The following MSRA variants were observed in gnomAD, a reference collection of about 807,000 sequenced individuals.
The protein encoded by MSRA is methionine sulfoxide reductase A, also known as mitochondrial peptide methionine sulfoxide reductase.
In MSRA, 54 loss-of-function variants were observed where a neutral mutation model predicts 31.3. The observed-to-expected ratio is 1.73, with a 90% CI of 1.39 to 2.17. The LOEUF is 2.17. Among genes scored for constraint, MSRA ranks in the 30% most tolerant of loss-of-function variants. The probability of loss-of-function intolerance (pLI) is 0.00; values close to 1 mark genes in which losing one functional copy is unlikely to be tolerated. For missense variants in MSRA, 507 were observed against 300.9 expected (o/e 1.69, Z -5.07); for synonymous variants, 169 against 116.5 (o/e 1.45, Z -2.90).
chr8:10,135,662 C>G (rs181372752), intron 1 of MSRA, among the ~76,000 whole-genome samples: 1 of 152,176 alleles, frequency 6.6e-6, no homozygotes, highest in African/African-American at 2.4e-5. Flanking sequence ...TCTGTGCATT[C>G]GCGTGCCCCT....
Position 10,301,606 on chromosome 8 carries a change from A to G in MSRA, c.404A>G (p.Lys135Arg), listed in dbSNP as rs1800851464. The G allele has an allele frequency of 1.2e-6, 2 of 1,614,128 alleles. No individual in the cohort carries two copies. The highest frequency in any genetic ancestry group is 1.7e-5 in the Admixed American group (1 of 60,016). Residue 135 changes from lysine (K) to arginine (R), a missense_variant, in exon 4 of 6, where the codon AAG becomes AGG. Coordinates refer to ENST00000317173, the MANE Select transcript of MSRA (RefSeq NM_012331.5). ...CACATGAGTTTTGAGGAACTGCTCA[A>G]GGTCTTCTGGGAGAATCACGACCCG... ...PEHMSFEELLKVFWENHDPTQ... is the reference protein window; with the variant it reads ...PEHMSFEELLRVFWENHDPTQ...
chr8:10,234,064 T>G (rs369982006), intron 2 of MSRA, among the ~76,000 whole-genome samples: 1 of 152,214 alleles, frequency 6.6e-6, no homozygotes, highest in South Asian at 2.1e-4. Flanking sequence ...AAACTTACAT[T>G]CGATAGTATA....
chr8:10,374,074 C>T (rs1585616954), intron 5 of MSRA, among the ~76,000 whole-genome samples: 2 of 152,178 alleles, frequency 1.3e-5, no homozygotes, highest in Admixed American at 1.3e-4. Flanking sequence ...GACATTGTCC[C>T]CTGCCATTAG....
At chr8:10,374,556 A>T (rs1156818477) in intron 5 of MSRA, among the ~76,000 whole-genome samples, 2 of 152,224 alleles carry the variant, frequency 1.3e-5, no homozygotes, top group Non-Finnish European at 2.9e-5. Context: ...CAGATAGTAC[A>T]TGACAAGTGA....
chr8:10,257,333 C>G (rs935639842), intron 3 of MSRA, among the ~76,000 whole-genome samples: 1 of 152,182 alleles, frequency 6.6e-6, no homozygotes, highest in Non-Finnish European at 1.5e-5. Flanking sequence ...ACCTCAGAGA[C>G]CTTGGGTCTC....
rs1215045866 is a variant in MSRA at position 10,238,310 on chromosome 8, C to T, written c.212-6794C>T. 2.0e-5 allele frequency among the ~76,000 whole-genome samples: 3 copies of T among 152,240 alleles called. No individual in the cohort carries two copies. In the East Asian group the frequency reaches 5.8e-4, roughly 29 times the overall value. On this transcript the variant is annotated intron_variant, in intron 2 of 5. Coordinates refer to ENST00000317173, the MANE Select transcript of MSRA (RefSeq NM_012331.5). Reference sequence around the variant, plus strand: ...TTTAAAATTGTGCTTTCCCAGCCCACCTGATCTCTCTGACCTGCTCTGCTT... The same window carrying T: ...TTTAAAATTGTGCTTTCCCAGCCCATCTGATCTCTCTGACCTGCTCTGCTT...
intron 5 of MSRA, among the ~76,000 whole-genome samples, chr8:10,323,693 C>T (rs1802186490): frequency 6.6e-6 from 1 of 150,714 alleles, no homozygotes; most frequent in South Asian, 2.1e-4. Context: ...GGCAGTTGTG[C>T]TGACCAGATG....
chr8:10,395,166 G>A (rs1412539885), intron 5 of MSRA, among the ~76,000 whole-genome samples: 1 of 152,150 alleles, frequency 6.6e-6, no homozygotes, highest in African/African-American at 2.4e-5. Flanking sequence ...TGGCCGGGGG[G>A]AAGACTTTGC....
chr8:10,352,620 G>A (rs180824593), intron 5 of MSRA, among the ~76,000 whole-genome samples: 20 of 152,198 alleles, frequency 1.3e-4, no homozygotes, highest in Admixed American at 1.2e-3. Context: ...ATTTTGTCTC[G>A]GTAAAATGCT....
chr8:10,171,517 G>T (rs796859581), intron 1 of MSRA, among the ~76,000 whole-genome samples: 22 of 152,258 alleles, frequency 1.4e-4, no homozygotes, highest in African/African-American at 4.1e-4. Context: ...AAGACATCAA[G>T]TAACTGTTAC....
chr8:10,291,833 G>C lies in MSRA; in HGVS notation c.332-9701G>C, dbSNP rs148942314. On this transcript the variant is annotated intron_variant, in intron 3 of 5. Transcript: ENST00000317173. ...TGTGTCTCCCTCTCCCCTCCATCTT[G>C]CTTATAGGATAAATAAACTAAGTCA... Among the ~76,000 whole-genome samples the C allele has an allele frequency of 5.9e-5, 9 of 152,198 alleles. No homozygotes were observed. The East Asian group carries it at 1.5e-3, about 26-fold the overall frequency.
At chr8:10,059,768 A>G (rs930825195) in intron 1 of MSRA, among the ~76,000 whole-genome samples, 9 of 152,250 alleles carry the variant, frequency 5.9e-5, no homozygotes, top group African/African-American at 1.9e-4. Context: ...TTTTAATTAT[A>G]TAAGAAGCTT....
chr8:10,274,602 A>G (rs1024065636), intron 3 of MSRA, among the ~76,000 whole-genome samples: 3 of 152,170 alleles, frequency 2.0e-5, no homozygotes, highest in Admixed American at 6.5e-5. Context: ...GTTGTGCTGT[A>G]TATATAGAGG....
intron 4 of MSRA, 124 bp downstream of exon 4, chr8:10,301,762 A>G (rs1424650707): frequency 2.6e-6 from 2 of 763,576 alleles, no homozygotes; most frequent in Admixed American, 2.9e-5. Context: ...ATGATTGCAG[A>G]CATTTATTGA....
At chr8:10,338,653 A>C (rs992236664) in intron 5 of MSRA, among the ~76,000 whole-genome samples, 1 of 152,264 alleles carries the variant, frequency 6.6e-6, no homozygotes, top group Non-Finnish European at 1.5e-5. Context: ...AATTTAAAGA[A>C]GAATTGTATA....
chr8:10,056,104 T>C lies in MSRA; in HGVS notation c.142+1446T>C, dbSNP rs539712597. Among the ~76,000 whole-genome samples, 13 of 147,360 alleles carry C rather than the reference T, an allele frequency of 8.8e-5. No homozygotes were observed. The South Asian group carries it at 2.8e-3, about 31-fold the overall frequency. On this transcript the variant is annotated intron_variant, in intron 1 of 5. Transcript: ENST00000317173. ...AGGCAGGAATTTATACGTGCATGTT[T>C]AAAGGCGATACTTTTCAAATGCCAG...
intron 5 of MSRA, among the ~76,000 whole-genome samples, chr8:10,379,442 G>C (rs984376714): frequency 6.6e-6 from 1 of 152,212 alleles, no homozygotes; most frequent in Non-Finnish European, 1.5e-5. Flanking sequence ...CGTCAGCAGA[G>C]GGGGAGCCCG....
At chr8:10,114,466 A>G (rs1042555208) in intron 1 of MSRA, among the ~76,000 whole-genome samples, 2 of 151,570 alleles carry the variant, frequency 1.3e-5, no homozygotes, top group African/African-American at 4.9e-5. Context: ...AAGTATGAGC[A>G]TTCCAGTTTC....
At chr8:10,403,117 C>T (rs1033706503) in intron 5 of MSRA, among the ~76,000 whole-genome samples, 1 of 152,190 alleles carries the variant, frequency 6.6e-6, no homozygotes, top group Admixed American at 6.5e-5. Context: ...TTACCAGTCC[C>T]CACAAATTAT....
Sources: allele counts gnomAD v4.1 joint callset (sites outside exome capture counted in the v4.1 genomes callset), GRCh38; gene constraint gnomAD v4.1.1; transcripts MANE v1.5; gene names NCBI Gene and HGNC (gene_info 2026-07-23, HGNC 2026-07-21).